ATP11B: variants seen among roughly 807,000 people sequenced by gnomAD.
ATP11B encodes ATPase phospholipid transporting 11B (putative).
In ATP11B, 81 loss-of-function variants were observed where a neutral mutation model predicts 157.8. That is an observed-to-expected ratio of 0.51 (90% CI 0.43 to 0.62). ATP11B has a LOEUF of 0.62. ATP11B is among the 20% of genes least tolerant of loss of function. ATP11B has a pLI of 0.00. For synonymous variants in ATP11B, 451 were observed against 469.4 expected (o/e 0.96, Z 0.51); for missense variants, 1,165 against 1,402.2 (o/e 0.83, Z 2.70).
chr3:182,859,729 T>C (rs1720689918), intron 12 of ATP11B, among the ~76,000 whole-genome samples: 2 of 152,152 alleles, frequency 1.3e-5, no homozygotes, highest in African/African-American at 4.8e-5. Context: ...ATTGTTTTAA[T>C]ATTGTTCACT....
At chr3:182,854,061 G>A (rs1336570494) in intron 10 of ATP11B, among the ~76,000 whole-genome samples, 1 of 152,148 alleles carries the variant, frequency 6.6e-6, no homozygotes, top group South Asian at 2.1e-4. Context: ...TACAAATGAT[G>A]CAGCAATTGG....
chr3:182,866,829 TA>T (rs1721270452), intron 14 of ATP11B, among the ~76,000 whole-genome samples: 1 of 134,930 alleles, frequency 7.4e-6, no homozygotes, highest in Non-Finnish European at 1.6e-5. Context: ...ATACATTTTA[TA>T]AAAATATGTA....
At chr3:182,879,673 G>T in intron 20 of ATP11B, 24 bp downstream of exon 20, 1 of 1,576,130 alleles carries the variant, frequency 6.3e-7, no homozygotes, top group Non-Finnish European at 8.6e-7. Context: ...TTATAAAAAA[G>T]TCCCATAAAG....
chr3:182,893,938 A>T (rs940666636), intron 25 of ATP11B, among the ~76,000 whole-genome samples: 1 of 152,100 alleles, frequency 6.6e-6, no homozygotes, highest in Non-Finnish European at 1.5e-5. Flanking sequence ...CCAGGTAGTG[A>T]TGTTGAGTAT....
rs1308582733 is a variant in ATP11B, at chr3:182,865,619, G to C, written c.1364G>C (p.Ser455Thr). Residue 455 changes from serine (S) to threonine (T), a missense_variant, in exon 13 of 30, where the codon AGT (serine) becomes ACT (threonine). Physicochemically the swap from Ser to Thr is moderately conservative, Grantham distance 58. Transcript: ENST00000323116. ...GAAGGAAACTTATCTTATCTTAGTA[G>C]TTTATCCCATCTTAACAACTTATCC... is the stretch of plus-strand genomic sequence containing the variant. ...SSEGNLSYLS[S>T]LSHLNNLSHL... is the part of the protein sequence containing the mutation. 1.2e-6 allele frequency: 2 copies of C among 1,613,502 alleles called. No homozygotes were observed. Among genetic ancestry groups the C allele is most frequent in the Admixed American group, 1.7e-5 (1 of 60,000 alleles).
chr3:182,859,335 C>T lies in ATP11B; in HGVS notation c.1176C>T (p.Ser392=), dbSNP rs769394395. 8.7e-6 allele frequency: 14 copies of T among 1,603,682 alleles called. No homozygotes were observed. The highest frequency in any genetic ancestry group is 4.5e-5 in the East Asian group (2 of 44,720). The part of the protein sequence containing the change: ...ESDQKAQVNT[S]DLNEELGQVE... ...ATCAGAAAGCTCAAGTCAATACTTC[C>T]GATCTGAATGAAGAGCTTGGACAGG... Residue 392 remains serine (S), a synonymous_variant, in exon 12 of 30, where the codon TCC becomes TCT. Transcript: ENST00000323116.
chr3:182,793,891 T>C, intron 1 of ATP11B, 105 bp downstream of exon 1: 1 of 708,566 alleles, frequency 1.4e-6, no homozygotes, highest in East Asian at 4.0e-5. Flanking sequence ...GGCCAGGGCG[T>C]GGGCGCCCGG....
At chr3:182,916,621 C>G (rs1725159605) in intron 29 of ATP11B, 6 of 984,378 alleles carry the variant, frequency 6.1e-6, no homozygotes, top group Non-Finnish European at 7.2e-6. Context: ...GTATCCTCAT[C>G]AAAACTATCT....
intron 4 of ATP11B, chr3:182,830,061 T>G (rs1411443436): frequency 1.8e-6 from 1 of 553,330 alleles, no homozygotes; most frequent in Non-Finnish European, 2.3e-6. Flanking sequence ...ATAATCATCT[T>G]TGTAGAGTTT....
At chr3:182,910,076 A>G (rs1259656018) in intron 28 of ATP11B, among the ~76,000 whole-genome samples, 17 of 111,960 alleles carry the variant, frequency 1.5e-4, no homozygotes, top group African/African-American at 1.6e-4. Flanking sequence ...GCCTCCAGAA[A>G]AAAAAAAAAA....
chr3:182,830,605 T>A (rs115038439), intron 4 of ATP11B, among the ~76,000 whole-genome samples: 32 of 152,302 alleles, frequency 2.1e-4, no homozygotes, highest in Middle Eastern at 6.8e-3. Flanking sequence ...ATTAACTGAA[T>A]TTTCTCAGGC....
In ATP11B at chr3:182,879,522, A is replaced by G. The variant is rs780473607; in HGVS notation, c.2279A>G (p.His760Arg). 12 of 1,608,180 alleles carry G rather than the reference A, an allele frequency of 7.5e-6. No individual in the cohort carries two copies. Among genetic ancestry groups the G allele is most frequent in the Admixed American group, 1.7e-5 (1 of 58,234 alleles). Residue 760 changes from histidine to arginine, a missense_variant, in exon 20 of 30, where the codon CAT becomes CGT. Physicochemically the swap from His to Arg is conservative, Grantham distance 29. Transcript: ENST00000323116. Reference protein sequence around the residue: ...RRITEDHVIQHGLVVDGTSLS... With the variant: ...RRITEDHVIQRGLVVDGTSLS... ...ATTACAGAGGATCATGTGATTCAGC[A>G]TGGGCTGGTAGTGGATGGGACCAGC...
At chr3:182,835,969 CT>C (rs1718517844) in intron 4 of ATP11B, 65 bp from the exon 5 acceptor site, 1 of 1,362,366 alleles carries the variant, frequency 7.3e-7, no homozygotes, top group Non-Finnish European at 1.0e-6. Context: ...AGTTTTTTTT[CT>C]TATTTGATAA....
chr3:182,867,401 T>C lies in ATP11B; in HGVS notation c.1645T>C (p.Ser549Pro), dbSNP rs1721323027. The C allele has an allele frequency of 6.2e-7, 1 of 1,611,286 alleles. No homozygotes were observed. The highest frequency in any genetic ancestry group is 1.3e-5 in the African/African-American group (1 of 74,976). ...ARIGIVFIGN[S>P]EETMEVKTLG... The stretch of plus-strand genomic sequence containing the variant: ...GATTGGTATTGTGTTTATTGGCAAT[T>C]CTGAAGAAACTATGGAGGTTAAAAC... Residue 549 changes from serine (S) to proline (P), a missense_variant, in exon 15 of 30, where the codon TCT (serine) becomes CCT (proline). Physicochemically the swap from Ser to Pro is moderately conservative, Grantham distance 74. Transcript: ENST00000323116.
intron 28 of ATP11B, among the ~76,000 whole-genome samples, chr3:182,900,332 T>C (rs1037862429): frequency 6.6e-6 from 1 of 151,088 alleles, no homozygotes; most frequent in Admixed American, 6.6e-5. Flanking sequence ...TTTACATGGT[T>C]GTTAGAGATA....
At chr3:182,801,417 C>T (rs1417294142) in intron 1 of ATP11B, among the ~76,000 whole-genome samples, 4 of 152,050 alleles carry the variant, frequency 2.6e-5, no homozygotes, top group Non-Finnish European at 5.9e-5. Context: ...TGTGTGAAGC[C>T]GGTAAAGCTG....
At chr3:182,813,608 C>A (rs1716799252) in intron 1 of ATP11B, among the ~76,000 whole-genome samples, 2 of 152,068 alleles carry the variant, frequency 1.3e-5, no homozygotes, top group Admixed American at 6.6e-5. Context: ...TCCTGCTAGC[C>A]CCTCTTATAC....
intron 18 of ATP11B, among the ~76,000 whole-genome samples, chr3:182,873,357 C>G (rs1297802802): frequency 6.6e-6 from 1 of 151,870 alleles, no homozygotes; most frequent in Non-Finnish European, 1.5e-5. Context: ...TTTTGGTTGT[C>G]CTTACGAGAT....
chr3:182,866,786 T>C (rs1721266622), intron 14 of ATP11B, among the ~76,000 whole-genome samples: 1 of 147,954 alleles, frequency 6.8e-6, no homozygotes, highest in Admixed American at 6.8e-5. Flanking sequence ...TATATATGTT[T>C]GTGTATGTGT....
Sources: allele counts gnomAD v4.1 joint callset (sites outside exome capture counted in the v4.1 genomes callset), GRCh38; gene constraint gnomAD v4.1.1; transcripts MANE v1.5; gene names NCBI Gene and HGNC (gene_info 2026-07-23, HGNC 2026-07-21).